The following PARD3 variants were observed in gnomAD, a reference collection of about 807,000 sequenced individuals.
The protein encoded by PARD3 is partitioning defective 3 homolog.
In PARD3, 75 loss-of-function variants were observed where a neutral mutation model predicts 155.4. The observed-to-expected ratio is 0.48, with a 90% CI of 0.40 to 0.58. The LOEUF (loss-of-function observed/expected upper bound fraction) is 0.58. PARD3 is among the 20% of genes least tolerant of loss of function. The pLI, the probability that PARD3 is intolerant of heterozygous loss-of-function variation, is 0.00. For synonymous variants in PARD3, 576 were observed against 610.5 expected, an observed-to-expected ratio of 0.94 and a Z score of 0.83; for missense variants, 1,642 against 1,721.7, an observed-to-expected ratio of 0.95 and a Z score of 0.82.
At chr10:34,754,909 G>T (rs1564583679) in intron 1 of PARD3, among the ~76,000 whole-genome samples, 1 of 152,176 alleles carries the variant, frequency 6.6e-6, no homozygotes, top group East Asian at 1.9e-4. Context: ...AACATGAGGT[G>T]GGGCTTATAA....
At chr10:34,496,070 T>C (rs189329358) in intron 3 of PARD3, among the ~76,000 whole-genome samples, 30 of 151,824 alleles carry the variant, frequency 2.0e-4, no homozygotes, top group Non-Finnish European at 1.5e-5. Flanking sequence ...GGCATGGTGG[T>C]GTGCGCCTGT....
At chr10:34,277,845 C>T (rs1006355155) in intron 21 of PARD3, among the ~76,000 whole-genome samples, 14 of 152,144 alleles carry the variant, frequency 9.2e-5, no homozygotes, top group Admixed American at 9.2e-4. Context: ...GCCCACTTTC[C>T]ATAAGCCTTT....
At chr10:34,500,379 T>C (rs1476748495) in intron 3 of PARD3, among the ~76,000 whole-genome samples, 1 of 152,226 alleles carries the variant, frequency 6.6e-6, no homozygotes, top group African/African-American at 2.4e-5. Flanking sequence ...GTCAATGTGC[T>C]CATGAAGACT....
At chr10:34,310,141 G>A (rs1957627573) in intron 20 of PARD3, among the ~76,000 whole-genome samples, 1 of 152,114 alleles carries the variant, frequency 6.6e-6, no homozygotes, top group South Asian at 2.1e-4. Flanking sequence ...AGTACATTTA[G>A]GAGTAACATG....
chr10:34,322,297 T>C (rs76675835), intron 19 of PARD3, among the ~76,000 whole-genome samples: 1 of 152,110 alleles, frequency 6.6e-6, no homozygotes, highest in East Asian at 1.9e-4. Context: ...ATGGAATTAT[T>C]TTGTGGGTAG....
intron 19 of PARD3, among the ~76,000 whole-genome samples, chr10:34,328,941 T>C (rs556128385): frequency 6.6e-6 from 1 of 152,302 alleles, no homozygotes; most frequent in African/African-American, 2.4e-5. Context: ...CATTTGGTGG[T>C]TGTAGGTGCA....
At chr10:34,344,518 T>A in intron 15 of PARD3, 2 of 851,874 alleles carry the variant, frequency 2.3e-6, no homozygotes, top group South Asian at 1.1e-4. Context: ...CTGACCTCAG[T>A]TGATCCACCT....
intron 2 of PARD3, among the ~76,000 whole-genome samples, chr10:34,586,644 T>C (rs1429695086): frequency 1.3e-5 from 2 of 152,200 alleles, no homozygotes; most frequent in Non-Finnish European, 2.9e-5. Context: ...GCTAGATGAT[T>C]CTAAGCATTA....
intron 2 of PARD3, among the ~76,000 whole-genome samples, chr10:34,626,769 G>C (rs1012322832): frequency 2.6e-5 from 4 of 152,134 alleles, no homozygotes; most frequent in African/African-American, 9.7e-5. Flanking sequence ...TATAATTTCA[G>C]GGCAAGCTTT....
chr10:34,286,942 C>T (rs558802905), intron 20 of PARD3, among the ~76,000 whole-genome samples: 7 of 152,094 alleles, frequency 4.6e-5, no homozygotes, highest in South Asian at 4.2e-4. Context: ...AGGTCATGGA[C>T]GTTAGGGAAA....
intron 2 of PARD3, among the ~76,000 whole-genome samples, chr10:34,647,635 C>A (rs1402406676): frequency 6.6e-6 from 1 of 152,214 alleles, no homozygotes; most frequent in Non-Finnish European, 1.5e-5. Context: ...AGTCAATGCA[C>A]CACACTTAAC....
At chr10:34,345,558 T>C (rs1837324025) in intron 15 of PARD3, 3 of 985,340 alleles carry the variant, frequency 3.0e-6, no homozygotes, top group African/African-American at 1.7e-5. Context: ...GTCTGAGGAA[T>C]ATCTATGCGC....
Position 34,602,751 on chromosome 10 carries a change from T to A in PARD3, c.223-85592A>T, listed in dbSNP as rs573321747. Among the ~76,000 whole-genome samples, 3 of 152,334 alleles carry A rather than the reference T, an allele frequency of 2.0e-5. No homozygotes were observed. In the South Asian group the frequency reaches 6.2e-4, roughly 32 times the overall value. On this transcript the variant is annotated intron_variant, in intron 2 of 24. Transcript: ENST00000374788. Reference sequence around the variant, plus strand: ...GACTGGGAAGGCCACAGGCGAGCCTTCTGGATACAGAAAGTGTTCTGTATC... The same window carrying A: ...GACTGGGAAGGCCACAGGCGAGCCTACTGGATACAGAAAGTGTTCTGTATC...
chr10:34,439,992 T>A (rs1029092934), intron 5 of PARD3, among the ~76,000 whole-genome samples: 1 of 152,168 alleles, frequency 6.6e-6, no homozygotes, highest in East Asian at 1.9e-4. Flanking sequence ...ATAGGGCACA[T>A]ATACCCAGGC....
intron 5 of PARD3, among the ~76,000 whole-genome samples, chr10:34,447,821 A>G (rs939657847): frequency 5.3e-5 from 8 of 151,426 alleles, no homozygotes; most frequent in Admixed American, 6.5e-5. Context: ...AAGAAAGAAA[A>G]AAAAGTCAAA....
At chr10:34,457,289 G>C (rs986807673) in intron 4 of PARD3, among the ~76,000 whole-genome samples, 1 of 152,172 alleles carries the variant, frequency 6.6e-6, no homozygotes, top group Non-Finnish European at 1.5e-5. Flanking sequence ...TCTGTCCAGA[G>C]AGCCAACCAG....
chr10:34,132,635 T>G (rs1224697956), intron 22 of PARD3, among the ~76,000 whole-genome samples: 1 of 152,200 alleles, frequency 6.6e-6, no homozygotes, highest in Admixed American at 6.5e-5. Context: ...TGCCATTCAC[T>G]AAAGCAGTAA....
Position 34,691,675 on chromosome 10 carries a change from T to C in PARD3, c.222+4643A>G, listed in dbSNP as rs10399996. Among the ~76,000 whole-genome samples, 1,488 of 152,292 alleles carry C rather than the reference T, an allele frequency of 9.8e-3. 27 individuals carry two copies. Among genetic ancestry groups the C allele is most frequent in the African/African-American group, 0.033 (1,370 of 41,538 alleles). ...AAGAACAAAGCTGGAGGCATCACAT[T>C]ACCCAACTATAAACTACAGTACAAG... is the stretch of plus-strand genomic sequence containing the variant. On this transcript the variant is annotated intron_variant, in intron 2 of 24. Transcript: ENST00000374788.
At chr10:34,277,384 C>T (rs1179665268) in intron 21 of PARD3, among the ~76,000 whole-genome samples, 1 of 152,064 alleles carries the variant, frequency 6.6e-6, no homozygotes, top group Non-Finnish European at 1.5e-5. Flanking sequence ...AACAACTGCC[C>T]CCTAACAGTA....
Sources: allele counts gnomAD v4.1 joint callset (sites outside exome capture counted in the v4.1 genomes callset), GRCh38; gene constraint gnomAD v4.1.1; transcripts MANE v1.5; gene names NCBI Gene and HGNC (gene_info 2026-07-23, HGNC 2026-07-21).